The following SLC24A5 variants were observed in gnomAD, a reference collection of about 807,000 sequenced individuals.
SLC24A5 encodes solute carrier family 24 member 5, also known as sodium/potassium/calcium exchanger 5.
SLC24A5 carries 46 observed loss-of-function variants against 51.6 expected under a neutral mutation model. The observed-to-expected ratio is 0.89, with a 90% confidence interval of 0.70 to 1.14. The LOEUF (loss-of-function observed/expected upper bound fraction) is 1.14, where lower values mean the gene tolerates loss of function less well. Among genes scored for constraint, SLC24A5 ranks in the 50% most tolerant of loss-of-function variants. SLC24A5 has a pLI of 0.00. For missense variants in SLC24A5, 581 were observed against 604.1 expected (o/e 0.96, Z 0.40); for synonymous variants, 230 against 214.9 (o/e 1.07, Z -0.62).
rs536330487 is a variant in SLC24A5 at position 48,135,180 on chromosome 15, A to G, written c.590+196A>G. On this transcript the variant is annotated intron_variant, in intron 5 of 8. Coordinates refer to ENST00000341459, the MANE Select transcript of SLC24A5 (RefSeq NM_205850.3). The stretch of plus-strand genomic sequence containing the variant: ...ACTAGTTTGCAATTTCTTCTTAATC[A>G]CTTCACAGTCTCCTTTTTTCTCTCA... 6.1e-5 allele frequency: 28 copies of G among 455,600 alleles called. No individual in the cohort carries two copies. The Admixed American group carries it at 7.0e-4, about 11-fold the overall frequency. The allele number at this position is 455,600 out of a possible 1,614,324, so 28.2% of individuals were successfully genotyped here.
chr15:48,122,772 C>T (rs2433354), intron 2 of SLC24A5: 29,802 of 152,144 alleles, frequency 0.2, 7,788 homozygotes, highest in African/African-American at 0.57. Flanking sequence ...CAGTTATGTT[C>T]TGTGCCATAT....
intron 8 of SLC24A5, chr15:48,141,593 C>CAA (rs202102577): frequency 2.5e-4 from 26 of 104,680 alleles, no homozygotes; most frequent in East Asian, 6.8e-4. Flanking sequence ...AAACAAAAAC[C>CAA]AAAAAAAAAA....
rs74011908 is a variant in SLC24A5, at chr15:48,131,737, C to A, written c.302-2521C>A. Reference sequence around the variant, plus strand: ...TATACACACAAAATGCACTAGGATACAATGTAAACTACAAAAATCATTTAT... The same window carrying A: ...TATACACACAAAATGCACTAGGATAAAATGTAAACTACAAAAATCATTTAT... On this transcript the variant is annotated intron_variant, in intron 2 of 8. Transcript: ENST00000341459. 7.9e-3 allele frequency among the ~76,000 whole-genome samples: 1,201 copies of A among 152,204 alleles called. 9 individuals carry two copies. The highest frequency in any genetic ancestry group is 0.028 in the African/African-American group (1,153 of 41,526).
chr15:48,139,219 T>C, intron 7 of SLC24A5, 44 bp downstream of exon 7: 1 of 1,511,364 alleles, frequency 6.6e-7, no homozygotes, highest in East Asian at 2.3e-5. Flanking sequence ...AATATTCATA[T>C]AAGAACAAAT....
chr15:48,136,682 G>A lies in SLC24A5; in HGVS notation c.591-1G>A, dbSNP rs2140740334. On this transcript the variant is annotated splice_acceptor_variant, in intron 5 of 8. Transcript: ENST00000341459. LOFTEE classifies it high-confidence loss of function. ...TAAAAACACAAATTTCTCTTTTGTA[G>A]GTATGAAGGGGCTTTACTGCTTTTG... is the stretch of plus-strand genomic sequence containing the variant. 6.3e-7 allele frequency: 1 copy of A among 1,586,676 alleles called. No individual in the cohort carries two copies. The highest frequency in any genetic ancestry group is 8.6e-7 in the Non-Finnish European group (1 of 1,166,404).
At position 48,121,145 on chromosome 15, in the gene SLC24A5, A is replaced by G. The variant is rs1000837031; in HGVS notation, c.101A>G (p.Gln34Arg). The change falls in exon 1 of 9, where the codon CAA becomes CGA. Residue 34 changes from glutamine to arginine, a missense_variant. By Grantham distance (43) the Gln-to-Arg change is conservative (BLOSUM62 1). Coordinates refer to ENST00000341459, the MANE Select transcript of SLC24A5 (RefSeq NM_205850.3). ...CCTCTCTCAGGGACCTCCCTGCCCC[A>G]ACGTCTCCCAAGGGCCACAGGTAGG... ...HLPLSGTSLP[Q>R]RLPRATGNST... is the part of the protein sequence containing the mutation. 6.2e-7 allele frequency: 1 copy of G among 1,613,262 alleles called. No individual in the cohort carries two copies. The highest frequency in any genetic ancestry group is 8.5e-7 in the Non-Finnish European group (1 of 1,179,596).
In SLC24A5 at chr15:48,134,865, A is replaced by G; in HGVS notation, c.490-19A>G. On this transcript the variant is annotated intron_variant, in intron 4 of 8. Transcript: ENST00000341459. ...AAGAAGTTACAATGTAATGGAAATAATAACTTACCATATTACAGGTCTCAA... is the reference window on the plus strand; with the variant it reads ...AAGAAGTTACAATGTAATGGAAATAGTAACTTACCATATTACAGGTCTCAA... The G allele has an allele frequency of 6.4e-7, 1 of 1,551,074 alleles. No homozygotes were observed. Among genetic ancestry groups the G allele is most frequent in the Non-Finnish European group, 8.8e-7 (1 of 1,130,418 alleles).
chr15:48,122,107 T>C (rs758981539), intron 2 of SLC24A5, 71 bp downstream of exon 2: 3 of 1,493,920 alleles, frequency 2.0e-6, no homozygotes, highest in East Asian at 2.3e-5. Flanking sequence ...GTCTTTGAAA[T>C]AGCTCAGCAG....
chr15:48,122,773 T>C (rs2038693282), intron 2 of SLC24A5: 1 of 152,244 alleles, frequency 6.6e-6, no homozygotes, highest in East Asian at 1.9e-4. Flanking sequence ...AGTTATGTTC[T>C]GTGCCATATG....
chr15:48,134,737 G>C (rs1419486599), intron 4 of SLC24A5, 147 bp from the exon 5 acceptor site: 8 of 756,166 alleles, frequency 1.1e-5, no homozygotes, highest in Non-Finnish European at 1.7e-5. Context: ...GTGTAAGTTA[G>C]AACACAATTT....
In SLC24A5 at chr15:48,142,408, A is replaced by ATTTCT; in HGVS notation, c.*58_*59insTTCTT. The ATTTCT allele has an allele frequency of 8.2e-7, 1 of 1,217,606 alleles. No individual in the cohort carries two copies. Among genetic ancestry groups the ATTTCT allele is most frequent in the Non-Finnish European group, 1.1e-6 (1 of 893,164 alleles). 75.4% of individuals were successfully genotyped at this position (1,217,606 alleles called of 1,614,324 possible). On this transcript the variant is annotated 3_prime_UTR_variant, in exon 9 of 9. Transcript: ENST00000341459. Reference sequence around the variant, plus strand: ...ATGGCAGGGAGGGGCAGAGAGAAAAATCCATTTCTTCATTTAAATCAAATT... The same window carrying ATTTCT: ...ATGGCAGGGAGGGGCAGAGAGAAAAATTTCTTCCATTTCTTCATTTAAATCAAATT...
intron 2 of SLC24A5, chr15:48,122,742 G>A (rs2038692736): frequency 6.6e-6 from 1 of 152,240 alleles, no homozygotes; most frequent in African/African-American, 2.4e-5. Context: ...TGGTGCACTG[G>A]TCCCTAAACA....
chr15:48,134,018 T>C (rs1239569484), intron 2 of SLC24A5, among the ~76,000 whole-genome samples: 1 of 152,166 alleles, frequency 6.6e-6, no homozygotes, highest in Non-Finnish European at 1.5e-5. Flanking sequence ...AATAACCCTA[T>C]GTTTGGCACT....
chr15:48,135,831 T>A (rs931743402), intron 5 of SLC24A5: 4 of 152,136 alleles, frequency 2.6e-5, no homozygotes, highest in Non-Finnish European at 5.9e-5. Flanking sequence ...AATCATCCTG[T>A]CCTCTAGTCC....
Position 48,139,291 on chromosome 15 carries a change from A to G in SLC24A5, c.1078+116A>G, listed in dbSNP as rs915196498. ...AAATTTCTTTTCAGCAAGATTGAAG[A>G]TTAGTACCATTTACAAAATGATTAA... On this transcript the variant is annotated intron_variant, in intron 7 of 8. Coordinates refer to ENST00000341459, the MANE Select transcript of SLC24A5 (RefSeq NM_205850.3). 4.0e-6 allele frequency: 3 copies of G among 752,608 alleles called. No individual in the cohort carries two copies. The African/African-American group carries it at 5.2e-5, about 13-fold the overall frequency. 46.6% of individuals were successfully genotyped at this position (752,608 alleles called of 1,614,324 possible). A position where few individuals can be genotyped will look rare whatever the true frequency, so the allele number is the denominator to read the frequency against.
intron 2 of SLC24A5, among the ~76,000 whole-genome samples, chr15:48,134,040 C>T (rs1272741641): frequency 5.3e-5 from 8 of 152,104 alleles, no homozygotes; most frequent in Non-Finnish European, 8.8e-5. Flanking sequence ...AGGATATTCC[C>T]TTTAGTCTCC....
intron 2 of SLC24A5, among the ~76,000 whole-genome samples, chr15:48,130,719 T>A (rs993725668): frequency 4.6e-5 from 7 of 152,156 alleles, no homozygotes; most frequent in African/African-American, 1.7e-4. Flanking sequence ...AATCTATAAA[T>A]TCTCTAGAAT....
chr15:48,125,270 G>T (rs1157620045), intron 2 of SLC24A5, among the ~76,000 whole-genome samples: 1 of 148,928 alleles, frequency 6.7e-6, no homozygotes, highest in South Asian at 2.1e-4. Context: ...ATAATATATG[G>T]TTTATATAAT....
intron 7 of SLC24A5, chr15:48,140,532 A>C (rs1473933067): frequency 6.6e-6 from 1 of 152,202 alleles, no homozygotes; most frequent in Admixed American, 6.5e-5. Context: ...ATTTAACAGA[A>C]GTATTAATAA....
Sources: allele counts gnomAD v4.1 joint callset (sites outside exome capture counted in the v4.1 genomes callset), GRCh38; gene constraint gnomAD v4.1.1; transcripts MANE v1.5; gene names NCBI Gene and HGNC (gene_info 2026-07-23, HGNC 2026-07-21).